AKAP8: variants seen among roughly 807,000 people sequenced by gnomAD.
The protein encoded by AKAP8 is A-kinase anchor protein 8.
AKAP8 carries 24 observed loss-of-function variants against 67.5 expected under a neutral mutation model. That is an observed-to-expected ratio of 0.36 (90% CI 0.26 to 0.50). The LOEUF (loss-of-function observed/expected upper bound fraction) is 0.50, where lower values mean the gene tolerates loss of function less well. AKAP8 is among the 20% of genes least tolerant of loss of function. AKAP8 has a pLI of 0.97. For synonymous variants in AKAP8, 400 were observed against 371.1 expected (o/e 1.08, Z -0.90); for missense variants, 971 against 955.9 (o/e 1.02, Z -0.21).
rs1302968244 is a variant in AKAP8 at position 15,354,235 on chromosome 19, AG to A, written c.*679del. The A allele has an allele frequency of 6.6e-6, 1 of 152,178 alleles. No individual in the cohort carries two copies. 9.4% of individuals were successfully genotyped at this position (152,178 alleles called of 1,614,324 possible). ...GTAATCTAGAGGTGGAACACAAATG[AG>A]GTAAAATATTAGAGAACTGATTCAG... On this transcript the variant is annotated 3_prime_UTR_variant, in exon 14 of 14. Coordinates refer to ENST00000269701, the MANE Select transcript of AKAP8 (RefSeq NM_005858.4).
At position 15,369,118 on chromosome 19, in the gene AKAP8, T is replaced by C. The variant is rs1967114350; in HGVS notation, c.1073-796A>G. 2 of 985,336 alleles carry C rather than the reference T, an allele frequency of 2.0e-6. No individual in the cohort carries two copies. The highest frequency in any genetic ancestry group is 1.2e-6 in the Non-Finnish European group (1 of 829,962). 61.0% of individuals were successfully genotyped at this position (985,336 alleles called of 1,614,324 possible). A position where few individuals can be genotyped will look rare whatever the true frequency, so the allele number is the denominator to read the frequency against. ...CACGAAGATGGCGACCGGCGTGCGCTGCTCAGAAGCCTCTCAAAAGGGCGT... is the reference window on the plus strand; with the variant it reads ...CACGAAGATGGCGACCGGCGTGCGCCGCTCAGAAGCCTCTCAAAAGGGCGT... On this transcript the variant is annotated intron_variant, in intron 8 of 13. Transcript: ENST00000269701. This position sits in a 1 kb window ranked among gnomAD's most constrained non-coding sequence, Gnocchi z 4.6.
intron 7 of AKAP8, among the ~76,000 whole-genome samples, chr19:15,370,869 A>G (rs1006521617): frequency 6.6e-6 from 1 of 151,984 alleles, no homozygotes; most frequent in Non-Finnish European, 1.5e-5. Context: ...TGACCTCGTG[A>G]TCCACCCGCC....
intron 2 of AKAP8, among the ~76,000 whole-genome samples, chr19:15,374,848 G>A (rs1234239171): frequency 6.6e-6 from 1 of 152,216 alleles, no homozygotes; most frequent in Admixed American, 6.5e-5. Context: ...TCCCGGGCAA[G>A]GCCAACCGTC....
chr19:15,358,741 C>T (rs537287179), intron 13 of AKAP8, among the ~76,000 whole-genome samples: 4 of 152,218 alleles, frequency 2.6e-5, no homozygotes, highest in South Asian at 4.1e-4. Context: ...AAATCCATTA[C>T]GCACTGATTA....
At chr19:15,360,571 T>A (rs921515986) in intron 12 of AKAP8, among the ~76,000 whole-genome samples, 1 of 152,190 alleles carries the variant, frequency 6.6e-6, no homozygotes, top group African/African-American at 2.4e-5. Context: ...CGGTCTCAGC[T>A]TATGGAAGCC....
intron 13 of AKAP8, among the ~76,000 whole-genome samples, chr19:15,356,631 C>A (rs12981207): frequency 0.052 from 7,838 of 152,120 alleles, 274 homozygotes; most frequent in Non-Finnish European, 0.083. Context: ...AGTCAAAATT[C>A]TCCTAAGTAT....
rs780425403 is a variant in AKAP8 at position 15,373,861 on chromosome 19, C to T, written c.296G>A (p.Arg99His). The T allele has an allele frequency of 5.0e-6, 8 of 1,613,002 alleles. No homozygotes were observed. The highest frequency in any genetic ancestry group is 3.3e-5 in the Admixed American group (2 of 60,026). ...SDSLIAKINQ[R>H]LDMMSKEGGR... ...TCCTTCCTTGGACATCATGTCCAAA[C>T]GCTGGTTGATCTTGGCAATGAGGGA... The change falls in exon 4 of 14, where the codon CGT (arginine) becomes CAT (histidine). Residue 99 changes from arginine to histidine, a missense_variant. This residue lies in a region of AKAP8 where 763 missense variants were observed against 745.4 expected (regional missense o/e 1.02). Transcript: ENST00000269701.
At chr19:15,379,499 C>T (rs1033870411) in intron 1 of AKAP8, 5 of 499,234 alleles carry the variant, frequency 1.0e-5, no homozygotes, top group African/African-American at 4.1e-5. Flanking sequence ...CCCGCCTCCT[C>T]GGGGCCTGGC....
At chr19:15,378,724 C>A (rs1967304914) in intron 1 of AKAP8, among the ~76,000 whole-genome samples, 2 of 152,210 alleles carry the variant, frequency 1.3e-5, no homozygotes, top group Admixed American at 6.5e-5. Context: ...CAGGATCAGA[C>A]CACTAGCTTC....
At position 15,371,994 on chromosome 19, in the gene AKAP8, G is replaced by A. The variant is rs201330271; in HGVS notation, c.996C>T (p.Asp332=). ...CTCCTGAGCGGAAGTCACCAGCTGC[G>A]TCATCTGCCAGACACAAAGAAAGGA... ...DSEGDFSEND[D]AAGDFRSGDE... Residue 332 remains aspartate (D), a synonymous_variant, in exon 7 of 14, where the codon GAC becomes GAT. Transcript: ENST00000269701. The A allele has an allele frequency of 7.6e-5, 123 of 1,613,976 alleles. No individual in the cohort carries two copies. The highest frequency in any genetic ancestry group is 1.2e-4 in the Admixed American group (7 of 59,992).
chr19:15,377,093 T>G, intron 1 of AKAP8, 79 bp from the exon 2 acceptor site: 1 of 1,498,358 alleles, frequency 6.7e-7, no homozygotes, highest in Non-Finnish European at 9.1e-7. Context: ...CCTAAAGGGA[T>G]CTCCTTACAG....
Position 15,374,541 on chromosome 19 carries a change from C to A in AKAP8, c.91+62G>T. The A allele has an allele frequency of 1.9e-6, 3 of 1,583,634 alleles. No homozygotes were observed. In the Admixed American group the frequency reaches 5.3e-5, roughly 28 times the overall value. On this transcript the variant is annotated intron_variant, in intron 3 of 13. Transcript: ENST00000269701. ...CAGACCTCCCTGACGGGCTGACCCG[C>A]CTGGCCTTCAGATCAGAGGCCCACT...
chr19:15,379,297 C>T lies in AKAP8; in HGVS notation c.19+416G>A, dbSNP rs540026033. On this transcript the variant is annotated intron_variant, in intron 1 of 13. Coordinates refer to ENST00000269701, the MANE Select transcript of AKAP8 (RefSeq NM_005858.4). ...CAGCTCCCCGGGTCCGACCTCACAACCCCACGCTGTAGCTCCGCCCCCCTA... is the reference window on the plus strand; with the variant it reads ...CAGCTCCCCGGGTCCGACCTCACAATCCCACGCTGTAGCTCCGCCCCCCTA... The T allele has an allele frequency of 7.1e-5, 13 of 184,134 alleles. No homozygotes were observed. In the South Asian group the frequency reaches 1.8e-3, roughly 26 times the overall value. The allele number at this position is 184,134 out of a possible 1,614,324, so 11.4% of individuals were successfully genotyped here.
At chr19:15,361,202 G>A (rs1022923854) in intron 11 of AKAP8, among the ~76,000 whole-genome samples, 8 of 152,118 alleles carry the variant, frequency 5.3e-5, no homozygotes, top group Admixed American at 3.9e-4. Flanking sequence ...AACCAAGGAG[G>A]AAAAGATATG....
chr19:15,370,117 A>G, intron 8 of AKAP8, 29 bp downstream of exon 8: 1 of 1,613,864 alleles, frequency 6.2e-7, no homozygotes, highest in South Asian at 1.1e-5. Flanking sequence ...AAGACACAGG[A>G]AAGCTGCAAG....
At position 15,361,085 on chromosome 19, in the gene AKAP8, G is replaced by C. The variant is rs561387178; in HGVS notation, c.1397-107C>G. ...TCCCTGCAACTCTAAGGAATCAGAA[G>C]GGCACAGCCTGCCTTTCTATGGGGA... On this transcript the variant is annotated intron_variant, in intron 11 of 13. Coordinates refer to ENST00000269701, the MANE Select transcript of AKAP8 (RefSeq NM_005858.4). 1.5e-5 allele frequency: 21 copies of C among 1,405,454 alleles called. 2 individuals are homozygous for C. In the African/African-American group the frequency reaches 2.8e-4, roughly 19 times the overall value. 87.1% of individuals were successfully genotyped at this position (1,405,454 alleles called of 1,614,324 possible).
chr19:15,375,328 C>T (rs889576038), intron 2 of AKAP8, among the ~76,000 whole-genome samples: 12 of 152,202 alleles, frequency 7.9e-5, no homozygotes, highest in East Asian at 1.9e-4. Flanking sequence ...GCCCACTTCC[C>T]GCCTTGGCAC....
chr19:15,367,911 A>G lies in AKAP8; in HGVS notation c.1160+324T>C, dbSNP rs933184555. Reference sequence around the variant, plus strand: ...AGAGCCCGCTGCTGAGCAGTTATGGACCACACAGACCCACCAGCAAGGCTG... The same window carrying G: ...AGAGCCCGCTGCTGAGCAGTTATGGGCCACACAGACCCACCAGCAAGGCTG... On this transcript the variant is annotated intron_variant, in intron 9 of 13. Coordinates refer to ENST00000269701, the MANE Select transcript of AKAP8 (RefSeq NM_005858.4). Among the ~76,000 whole-genome samples the G allele has an allele frequency of 8.5e-5, 13 of 152,224 alleles. No individual in the cohort carries two copies. The East Asian group carries it at 2.3e-3, about 27-fold the overall frequency.
At chr19:15,363,029 G>A (rs1161841360) in intron 9 of AKAP8, among the ~76,000 whole-genome samples, 1 of 151,760 alleles carries the variant, frequency 6.6e-6, no homozygotes, top group Non-Finnish European at 1.5e-5. Flanking sequence ...GGGATGTGAG[G>A]AGCGTCTCTG....
Sources: allele counts gnomAD v4.1 joint callset (sites outside exome capture counted in the v4.1 genomes callset), GRCh38; gene constraint gnomAD v4.1.1; regional missense constraint gnomAD v4.1.1; non-coding constraint Gnocchi (gnomAD v3.1); transcripts MANE v1.5; gene names NCBI Gene and HGNC (gene_info 2026-07-23, HGNC 2026-07-21).